Variants in ATP11A observed in about 807,000 individuals in gnomAD.
ATP11A encodes ATPase phospholipid transporting 11A, also known as phospholipid-transporting ATPase IH.
A neutral mutation model predicts 154.4 loss-of-function variants in ATP11A; 81 were observed. The ratio of observed to expected loss-of-function variants is 0.52; its 90% confidence interval spans 0.44 to 0.63. The LOEUF is 0.63. Among genes scored for constraint, ATP11A ranks in the 30% least tolerant of loss-of-function variants. The probability of loss-of-function intolerance (pLI) is 0.00; values close to 1 mark genes in which losing one functional copy is unlikely to be tolerated. For missense variants in ATP11A, 1,316 were observed against 1,474.3 expected (o/e 0.89, Z 1.76); for synonymous variants, 623 against 585.9 (o/e 1.06, Z -0.91).
chr13:112,862,865 G>C (rs866397356), intron 25 of ATP11A, among the ~76,000 whole-genome samples: 1,149 of 65,046 alleles, frequency 0.018, 7 homozygotes, highest in African/African-American at 0.074. Context: ...CCATCACCAC[G>C]TGCACAGTAA....
At chr13:112,839,582 T>G (rs1184041998) in intron 16 of ATP11A, among the ~76,000 whole-genome samples, 1 of 152,206 alleles carries the variant, frequency 6.6e-6, no homozygotes, top group Non-Finnish European at 1.5e-5. Flanking sequence ...CGGCTGCACC[T>G]GCGACACAAC....
chr13:112,845,289 T>G (rs1008367698), intron 17 of ATP11A, among the ~76,000 whole-genome samples: 1 of 120,848 alleles, frequency 8.3e-6, no homozygotes, highest in Admixed American at 8.1e-5. Flanking sequence ...TCAGTCCAGT[T>G]GCCAGGCACT....
intron 1 of ATP11A, among the ~76,000 whole-genome samples, chr13:112,731,211 C>G (rs776913466): frequency 6.6e-6 from 1 of 152,084 alleles, no homozygotes; most frequent in East Asian, 1.9e-4. Context: ...TCCAGTGATC[C>G]GCCTGCCTTA....
At position 112,875,913 on chromosome 13, in the gene ATP11A, T is replaced by C. The variant is rs754672165; in HGVS notation, c.3299T>C (p.Leu1100Pro). ...CTCAAGAAAGTCCTGTGCCGGCAGC[T>C]GTGGCCAACAGCAACAGAGAGAGTC... ...DVLKKVLCRQ[L>P]WPTATERVQT... Residue 1100 changes from leucine (L) to proline (P), a missense_variant, in exon 28 of 30, where the codon CTG (leucine) becomes CCG (proline). Leu to Pro is a moderately conservative substitution (Grantham distance 98). Coordinates refer to ENST00000375645, the MANE Select transcript of ATP11A (RefSeq NM_015205.3). The surrounding 1 kb of genome is among the most constrained non-coding windows in gnomAD (Gnocchi z 4.1). 9 of 1,612,718 alleles carry C rather than the reference T, an allele frequency of 5.6e-6. No individual in the cohort carries two copies. The highest frequency in any genetic ancestry group is 2.2e-5 in the East Asian group (1 of 44,890).
chr13:112,704,274 C>G (rs750751872), intron 1 of ATP11A, among the ~76,000 whole-genome samples: 9 of 152,190 alleles, frequency 5.9e-5, no homozygotes, highest in Admixed American at 1.3e-4. Flanking sequence ...AGTTGTTGTA[C>G]GCACAACTCA....
chr13:112,838,173 C>T lies in ATP11A; in HGVS notation c.1705+1922C>T, dbSNP rs149439632. Among the ~76,000 whole-genome samples, 14 of 152,262 alleles carry T rather than the reference C, an allele frequency of 9.2e-5. 1 individual carries two copies. Among genetic ancestry groups the T allele is most frequent in the East Asian group, 7.7e-4 (4 of 5,190 alleles). ...CAGGGTCTGAGAACAGGTTCAGATGCGCGAGACTTCTGTGTGTCAGAACCC... is the reference window on the plus strand; with the variant it reads ...CAGGGTCTGAGAACAGGTTCAGATGTGCGAGACTTCTGTGTGTCAGAACCC... On this transcript the variant is annotated intron_variant, in intron 16 of 29. Coordinates refer to ENST00000375645, the MANE Select transcript of ATP11A (RefSeq NM_015205.3). The surrounding 1 kb of genome is among the most constrained non-coding windows in gnomAD (Gnocchi z 7.3).
intron 9 of ATP11A, 89 bp downstream of exon 9, chr13:112,823,498 T>A: frequency 3.6e-6 from 4 of 1,102,474 alleles, no homozygotes; most frequent in Non-Finnish European, 5.2e-6. Context: ...CCCGAGAGCG[T>A]TTCTTGGCAC....
At chr13:112,728,410 G>A (rs550185412) in intron 1 of ATP11A, among the ~76,000 whole-genome samples, 1 of 150,426 alleles carries the variant, frequency 6.6e-6, no homozygotes, top group South Asian at 2.1e-4. Context: ...CCGGCTCCCT[G>A]TGTTACCTGT....
chr13:112,818,441 A>G (rs944121552), intron 6 of ATP11A, among the ~76,000 whole-genome samples: 1 of 152,204 alleles, frequency 6.6e-6, no homozygotes, highest in African/African-American at 2.4e-5. Context: ...TGTTTCTCCC[A>G]TTTGTTCTGA....
At chr13:112,742,668 C>T (rs1210969506) in intron 1 of ATP11A, among the ~76,000 whole-genome samples, 1 of 152,234 alleles carries the variant, frequency 6.6e-6, no homozygotes, top group Non-Finnish European at 1.5e-5. Context: ...TCTCAGCCTG[C>T]TCCATTTTAT....
At chr13:112,824,213 C>T (rs2078873823) in intron 9 of ATP11A, 131 bp from the exon 10 acceptor site, 3 of 704,204 alleles carry the variant, frequency 4.3e-6, no homozygotes, top group Admixed American at 4.2e-5. Context: ...TGGCTATGGA[C>T]ACTAGCTTAT....
intron 5 of ATP11A, among the ~76,000 whole-genome samples, chr13:112,815,801 G>C (rs1235937779): frequency 6.6e-6 from 1 of 152,106 alleles, no homozygotes; most frequent in African/African-American, 2.4e-5. Context: ...ACTTGGCCAC[G>C]CTCACAGAAC....
At chr13:112,820,532 G>A (rs1288041219) in intron 8 of ATP11A, among the ~76,000 whole-genome samples, 4 of 152,186 alleles carry the variant, frequency 2.6e-5, no homozygotes, top group African/African-American at 9.7e-5. Flanking sequence ...GCATACCCAT[G>A]AGGAAACAGC....
intron 7 of ATP11A, 136 bp downstream of exon 7, chr13:112,819,543 A>G (rs965598604): frequency 1.3e-5 from 9 of 699,372 alleles, no homozygotes; most frequent in Admixed American, 5.4e-5. Context: ...ATTAAGACTG[A>G]GTCAAAAATA....
chr13:112,732,870 C>T (rs1001414753), intron 1 of ATP11A, among the ~76,000 whole-genome samples: 8 of 152,176 alleles, frequency 5.3e-5, no homozygotes, highest in Admixed American at 5.2e-4. Context: ...GCCTCGGCCT[C>T]CCAAGGTGCT....
intron 17 of ATP11A, among the ~76,000 whole-genome samples, chr13:112,842,822 T>C (rs2079462200): frequency 6.6e-6 from 1 of 152,270 alleles, no homozygotes; most frequent in Non-Finnish European, 1.5e-5. Context: ...ATCTGGGTCT[T>C]AAGCTTGTAT....
chr13:112,739,740 T>C (rs999785465), intron 1 of ATP11A, among the ~76,000 whole-genome samples: 6 of 152,218 alleles, frequency 3.9e-5, no homozygotes, highest in African/African-American at 1.4e-4. Context: ...TGCCCATCAG[T>C]AGACGAATGG....
intron 1 of ATP11A, among the ~76,000 whole-genome samples, chr13:112,701,674 T>C (rs992168821): frequency 1.3e-5 from 2 of 151,714 alleles, no homozygotes; most frequent in South Asian, 4.2e-4. Flanking sequence ...TTCCTAAAAA[T>C]ACAAAAAAAT....
intron 11 of ATP11A, 77 bp from the exon 12 acceptor site, chr13:112,826,617 G>A: frequency 1.8e-6 from 2 of 1,142,358 alleles, no homozygotes; most frequent in Non-Finnish European, 2.7e-6. Flanking sequence ...GCCTAAGCCT[G>A]AGGTGTTAGA....
Sources: allele counts gnomAD v4.1 joint callset (sites outside exome capture counted in the v4.1 genomes callset), GRCh38; gene constraint gnomAD v4.1.1; non-coding constraint Gnocchi (gnomAD v3.1); transcripts MANE v1.5; gene names NCBI Gene and HGNC (gene_info 2026-07-23, HGNC 2026-07-21).